Variants in OSBPL9 observed in about 807,000 individuals in gnomAD.
The protein encoded by OSBPL9 is oxysterol-binding protein-related protein 9.
Under a neutral mutation model 106.6 loss-of-function variants are expected in OSBPL9, and 40 were observed. The ratio of observed to expected loss-of-function variants is 0.38; its 90% CI spans 0.29 to 0.49. The LOEUF is 0.49. Among genes scored for constraint, OSBPL9 ranks in the 20% least tolerant of loss-of-function variants. The pLI is 0.97. For synonymous variants in OSBPL9, 269 were observed against 295.4 expected, an observed-to-expected ratio of 0.91 and a Z score of 0.92; for missense variants, 609 against 887.2, an observed-to-expected ratio of 0.69 and a Z score of 3.98.
chr1:51,761,857 A>C lies in OSBPL9; in HGVS notation c.674-10A>C, dbSNP rs777223655. On this transcript the variant is annotated splice_polypyrimidine_tract_variant and intron_variant, in intron 10 of 23. Transcript: ENST00000428468. ...TTCTGTACCTTATTTTATACGTTCAAATCTCCTAGAACCTGTTCAGTTGTG... is the reference window on the plus strand; with the variant it reads ...TTCTGTACCTTATTTTATACGTTCACATCTCCTAGAACCTGTTCAGTTGTG... 1 of 1,594,556 alleles carries C rather than the reference A, an allele frequency of 6.3e-7. No homozygotes were observed. Among genetic ancestry groups the C allele is most frequent in the African/African-American group, 1.3e-5 (1 of 74,404 alleles).
At chr1:51,760,582 C>A in intron 9 of OSBPL9, 108 bp from the exon 10 acceptor site, 1 of 1,507,254 alleles carries the variant, frequency 6.6e-7, no homozygotes, top group East Asian at 2.4e-5. Context: ...ATCAACATAT[C>A]TATATAGCTA....
At chr1:51,728,587 G>A (rs1162527163) in intron 4 of OSBPL9, among the ~76,000 whole-genome samples, 3 of 152,196 alleles carry the variant, frequency 2.0e-5, no homozygotes, top group East Asian at 3.8e-4. Context: ...TGGGTAGGGG[G>A]AAGGGGAGAG....
intron 3 of OSBPL9, among the ~76,000 whole-genome samples, chr1:51,703,325 T>G (rs546583392): frequency 1.3e-5 from 2 of 152,290 alleles, no homozygotes; most frequent in East Asian, 3.9e-4. Context: ...CATTGAGCAG[T>G]GGTTTGTAGT....
At chr1:51,730,591 T>C (rs1400249449) in intron 4 of OSBPL9, among the ~76,000 whole-genome samples, 2 of 152,216 alleles carry the variant, frequency 1.3e-5, no homozygotes, top group African/African-American at 2.4e-5. Flanking sequence ...TATAGTTTTA[T>C]GGGGTTCTTA....
intron 4 of OSBPL9, among the ~76,000 whole-genome samples, chr1:51,734,715 C>T (rs1365661151): frequency 6.6e-6 from 1 of 152,084 alleles, no homozygotes; most frequent in Non-Finnish European, 1.5e-5. Flanking sequence ...TGCCCATGGC[C>T]ACATAGCTAG....
At chr1:51,772,445 A>G (rs1674141795) in intron 13 of OSBPL9, among the ~76,000 whole-genome samples, 160 bp from the exon 14 acceptor site, 1 of 152,194 alleles carries the variant, frequency 6.6e-6, no homozygotes, top group Admixed American at 6.5e-5. Context: ...AACCTGGAAG[A>G]TGGAGGTTTA....
the OSBPL9 span, among the ~76,000 whole-genome samples, chr1:51,523,778 C>T: frequency 6.6e-6 from 1 of 152,146 alleles, no homozygotes; most frequent in African/African-American, 2.4e-5. Context: ...AACTCCAACC[C>T]CCCTCCCCAA....
chr1:51,599,143 G>A (rs1215363875), intron 2 of OSBPL9, among the ~76,000 whole-genome samples: 3 of 152,138 alleles, frequency 2.0e-5, no homozygotes, highest in African/African-American at 7.2e-5. Context: ...AGCCCAGGAG[G>A]TCGAGGCTGC....
intron 17 of OSBPL9, 103 bp downstream of exon 17, chr1:51,782,746 A>G: frequency 2.1e-6 from 2 of 940,664 alleles, no homozygotes; most frequent in Non-Finnish European, 3.2e-6. Context: ...TTGTGTGACT[A>G]GCTGTGTGTT....
chr1:51,652,038 C>T lies in OSBPL9; in HGVS notation c.159C>T (p.Leu53=), dbSNP rs759565224. ...GCTCTCGCAGAGGATGTGTTAGACT[C>T]AGAGTGAGTATTTATTCATTTTTAT... ...MRGSRRGCVR[L]RGAVIGIDDE... The change falls in exon 2 of 24, where the codon CTC becomes CTT. Residue 53 remains leucine, a synonymous_variant. Coordinates refer to ENST00000428468, the MANE Select transcript of OSBPL9 (RefSeq NM_024586.6). 236 of 1,601,838 alleles carry T rather than the reference C, an allele frequency of 1.5e-4. 1 individual carries two copies. Among genetic ancestry groups the T allele is most frequent in the Non-Finnish European group, 2.0e-4 (230 of 1,173,646 alleles).
chr1:51,559,933 CAAT>C, the OSBPL9 span, among the ~76,000 whole-genome samples: 11 of 152,120 alleles, frequency 7.2e-5, no homozygotes, highest in African/African-American at 2.7e-4. Flanking sequence ...AAGAAAGATA[CAAT>C]GTGTCCCTTC....
chr1:51,564,522 A>G, the OSBPL9 span, among the ~76,000 whole-genome samples: 1 of 152,080 alleles, frequency 6.6e-6, no homozygotes, highest in Non-Finnish European at 1.5e-5. Flanking sequence ...AAAACAGCCT[A>G]CCCCAACTTT....
chr1:51,739,527 T>G (rs1026973425), intron 4 of OSBPL9, among the ~76,000 whole-genome samples: 9 of 151,976 alleles, frequency 5.9e-5, no homozygotes, highest in African/African-American at 2.2e-4. Flanking sequence ...AAGAACCTAA[T>G]TTGAAGCCTT....
intron 1 of OSBPL9, among the ~76,000 whole-genome samples, chr1:51,628,801 A>G (rs1298824179): frequency 6.8e-6 from 1 of 146,472 alleles, no homozygotes; most frequent in East Asian, 2.1e-4. Flanking sequence ...CTCCTGCCTC[A>G]GGCTCCTGGG....
the OSBPL9 span, among the ~76,000 whole-genome samples, chr1:51,529,099 G>GTGCAATCC: frequency 2.6e-5 from 4 of 152,156 alleles, no homozygotes; most frequent in East Asian, 7.7e-4. Context: ...TACTGATTCA[G>GTGCAATCC]TGCAATCCTT....
chr1:51,669,691 A>T, intron 3 of OSBPL9, 179 bp downstream of exon 3: 18 of 591,316 alleles, frequency 3.0e-5, no homozygotes, highest in Non-Finnish European at 3.2e-5. Flanking sequence ...TCTGCAATGG[A>T]TGTAGATCGA....
intron 3 of OSBPL9, among the ~76,000 whole-genome samples, chr1:51,708,781 A>G (rs1659179607): frequency 6.6e-6 from 1 of 152,168 alleles, no homozygotes; most frequent in African/African-American, 2.4e-5. Context: ...TTAAACACTT[A>G]AAAAGCTTTT....
At chr1:51,731,911 T>C (rs2148947340) in intron 4 of OSBPL9, among the ~76,000 whole-genome samples, 1 of 152,294 alleles carries the variant, frequency 6.6e-6, no homozygotes, top group East Asian at 1.9e-4. Flanking sequence ...TTGACAGAGA[T>C]GACGATGAAT....
the OSBPL9 span, among the ~76,000 whole-genome samples, chr1:51,518,649 C>T: frequency 6.6e-6 from 1 of 152,116 alleles, no homozygotes; most frequent in Non-Finnish European, 1.5e-5. Context: ...GGAGGGCTTC[C>T]GTCGGACCCT....
Sources: gnomAD v4.1 joint callset for allele counts (sites outside exome capture counted in the v4.1 genomes callset) on GRCh38, gnomAD v4.1.1 for gene constraint, MANE v1.5 for transcripts, NCBI Gene and HGNC (gene_info 2026-07-23, HGNC 2026-07-21) for gene names.